EHBP1: variants seen among roughly 807,000 people sequenced by gnomAD.
The protein encoded by EHBP1 is EH domain-binding protein 1.
In EHBP1, 55 loss-of-function variants were observed where a neutral mutation model predicts 144.0. The observed-to-expected ratio is 0.38, with a 90% confidence interval of 0.31 to 0.48. EHBP1 has a LOEUF of 0.48. Ranked by LOEUF, EHBP1 falls within the 20% of genes least tolerant of loss-of-function variation. The pLI is 0.98. For synonymous variants in EHBP1, 469 were observed against 472.7 expected, an observed-to-expected ratio of 0.99 and a Z score of 0.10; for missense variants, 1,200 against 1,364.2, an observed-to-expected ratio of 0.88 and a Z score of 1.90.
chr2:62,729,808 C>T (rs2037331074), intron 2 of EHBP1, among the ~76,000 whole-genome samples: 1 of 151,408 alleles, frequency 6.6e-6, no homozygotes, highest in African/African-American at 2.4e-5. Flanking sequence ...ATTTACCTTC[C>T]CACCAGAAAT....
intron 14 of EHBP1, among the ~76,000 whole-genome samples, chr2:62,978,092 C>T (rs1252070400): frequency 6.6e-6 from 1 of 151,966 alleles, no homozygotes; most frequent in African/African-American, 2.4e-5. Context: ...TATGTTGGGG[C>T]CAGATTATTT....
chr2:62,989,128 T>C (rs2059313259), intron 15 of EHBP1, among the ~76,000 whole-genome samples: 1 of 152,172 alleles, frequency 6.6e-6, no homozygotes, highest in African/African-American at 2.4e-5. Context: ...AACTTTTAAA[T>C]GTTTAACCCA....
At chr2:63,044,079 C>G (rs1199221208) in intron 21 of EHBP1, 1 of 148,466 alleles carries the variant, frequency 6.7e-6, no homozygotes, top group Non-Finnish European at 1.5e-5. Flanking sequence ...GCGGGGTAGA[C>G]TGGGGGTTGA....
At chr2:62,908,193 A>G (rs1471394035) in intron 10 of EHBP1, among the ~76,000 whole-genome samples, 2 of 152,210 alleles carry the variant, frequency 1.3e-5, no homozygotes, top group African/African-American at 2.4e-5. Flanking sequence ...AAATCTTCCA[A>G]AGAGTTTGTC....
intron 19 of EHBP1, among the ~76,000 whole-genome samples, chr2:63,009,278 G>A (rs1391065299): frequency 6.6e-6 from 1 of 151,590 alleles, no homozygotes; most frequent in African/African-American, 2.4e-5. Flanking sequence ...CTGGATAGTG[G>A]AATGTCTGAT....
At chr2:62,787,957 T>A (rs1048873782) in intron 5 of EHBP1, among the ~76,000 whole-genome samples, 7 of 152,046 alleles carry the variant, frequency 4.6e-5, no homozygotes, top group African/African-American at 1.7e-4. Context: ...AGGTTGTGAT[T>A]TGGGGGAATG....
intron 7 of EHBP1, chr2:62,858,393 C>G: frequency 6.4e-7 from 1 of 1,569,390 alleles, no homozygotes; most frequent in South Asian, 1.1e-5. Flanking sequence ...TCTTGACTGG[C>G]TTCTGTTTAC....
chr2:62,720,908 C>T (rs1219908183), intron 2 of EHBP1, among the ~76,000 whole-genome samples: 1 of 152,128 alleles, frequency 6.6e-6, no homozygotes, highest in Admixed American at 6.5e-5. Flanking sequence ...TTTGGACAAG[C>T]TTGATATAGA....
chr2:62,755,271 G>A (rs780062651), intron 3 of EHBP1, among the ~76,000 whole-genome samples: 3 of 152,140 alleles, frequency 2.0e-5, no homozygotes, highest in Non-Finnish European at 4.4e-5. Context: ...GTACAGTCAG[G>A]CTTGTTTCGC....
intron 19 of EHBP1, among the ~76,000 whole-genome samples, chr2:63,018,933 A>G (rs982494868): frequency 5.3e-5 from 8 of 152,206 alleles, no homozygotes; most frequent in Admixed American, 2.6e-4. Flanking sequence ...AGGCATTTGA[A>G]CTGACTTGGC....
chr2:62,908,433 T>G (rs534840666), intron 10 of EHBP1, among the ~76,000 whole-genome samples: 4 of 152,106 alleles, frequency 2.6e-5, no homozygotes, highest in Non-Finnish European at 5.9e-5. Flanking sequence ...TTTTCTCTAT[T>G]TTTTTCTTTC....
intron 19 of EHBP1, among the ~76,000 whole-genome samples, chr2:62,997,428 ATGTGTG>A (rs70962800): frequency 0.013 from 1,147 of 90,556 alleles, 8 homozygotes; most frequent in African/African-American, 0.019. Flanking sequence ...AAAGGAACTC[ATGTGTG>A]TGTGTGTGTG....
At chr2:62,846,169 A>AC (rs1296057665) in intron 7 of EHBP1, among the ~76,000 whole-genome samples, 1 of 152,178 alleles carries the variant, frequency 6.6e-6, no homozygotes, top group Non-Finnish European at 1.5e-5. Flanking sequence ...ATGACACTAA[A>AC]CATAATCTAG....
intron 2 of EHBP1, among the ~76,000 whole-genome samples, chr2:62,744,956 T>C (rs766350023): frequency 5.9e-5 from 9 of 152,088 alleles, no homozygotes; most frequent in Non-Finnish European, 1.3e-4. Flanking sequence ...ACCAATTAAA[T>C]CAGATTATCC....
At chr2:62,930,114 T>G (rs1414416972) in intron 10 of EHBP1, among the ~76,000 whole-genome samples, 1 of 152,030 alleles carries the variant, frequency 6.6e-6, no homozygotes, top group Non-Finnish European at 1.5e-5. Flanking sequence ...CCAAGCATGG[T>G]GGCATGCACT....
At chr2:62,745,150 T>G (rs1460773062) in intron 2 of EHBP1, among the ~76,000 whole-genome samples, 1 of 152,076 alleles carries the variant, frequency 6.6e-6, no homozygotes, top group Admixed American at 6.6e-5. Context: ...TGGATGAAAC[T>G]TAAGGTTTAT....
intron 10 of EHBP1, among the ~76,000 whole-genome samples, chr2:62,910,312 C>T (rs569692794): frequency 1.3e-5 from 2 of 151,952 alleles, no homozygotes; most frequent in South Asian, 4.2e-4. Context: ...AATTTTAATC[C>T]CACTGAGTTT....
chr2:62,708,734 GGTTTTGAAAGATTCATA>G (rs1323018897), intron 2 of EHBP1, among the ~76,000 whole-genome samples: 1 of 152,146 alleles, frequency 6.6e-6, no homozygotes, highest in Non-Finnish European at 1.5e-5. Flanking sequence ...ATCTGAGCTG[GGTTTTGAAAGATTCATA>G]GTTGTTGTCC....
intron 14 of EHBP1, among the ~76,000 whole-genome samples, chr2:62,958,781 A>G (rs1331629758): frequency 6.6e-6 from 1 of 152,250 alleles, no homozygotes; most frequent in Non-Finnish European, 1.5e-5. Context: ...CTAACAAGAA[A>G]TATGTAGACC....
Sources: gnomAD v4.1 joint callset for allele counts (sites outside exome capture counted in the v4.1 genomes callset) on GRCh38, gnomAD v4.1.1 for gene constraint, MANE v1.5 for transcripts, NCBI Gene and HGNC (gene_info 2026-07-23, HGNC 2026-07-21) for gene names.